The following POU6F2 variants were observed in gnomAD, a reference collection of about 807,000 sequenced individuals.
POU6F2 encodes the protein POU domain, class 6, transcription factor 2.
Under a neutral mutation model 71.3 loss-of-function variants are expected in POU6F2, and 31 were observed. The observed-to-expected ratio is 0.43, with a 90% confidence interval of 0.33 to 0.59. POU6F2 has a LOEUF of 0.59. POU6F2 is among the 20% of genes least tolerant of loss of function. POU6F2 has a pLI of 0.04. For synonymous variants in POU6F2, 347 were observed against 355.7 expected (o/e 0.98, Z 0.27); for missense variants, 783 against 856.8 (o/e 0.91, Z 1.07).
intron 2 of POU6F2, among the ~76,000 whole-genome samples, chr7:39,143,364 A>G (rs1792547482): frequency 6.6e-6 from 1 of 152,212 alleles, no homozygotes; most frequent in South Asian, 2.1e-4. Flanking sequence ...TGAGGAGATA[A>G]AATGTTTACT....
intron 1 of POU6F2, among the ~76,000 whole-genome samples, chr7:39,076,225 T>TCCTTCCTTTTCCTCCCTTCCATTCCCTC (rs1478087721): frequency 5.3e-5 from 8 of 151,574 alleles, no homozygotes; most frequent in Non-Finnish European, 1.0e-4. Context: ...TTCCTTCCAT[T>TCCTTCCTTTTCCTCCCTTCCATTCCCTC]CCTTCCTTTT....
chr7:39,269,855 C>G (rs1189514049), intron 4 of POU6F2, among the ~76,000 whole-genome samples: 1 of 152,122 alleles, frequency 6.6e-6, no homozygotes, highest in African/African-American at 2.4e-5. Flanking sequence ...ATGTGTGTTG[C>G]TATTGTGAAG....
At chr7:39,231,485 GA>G (rs1221177465) in intron 4 of POU6F2, among the ~76,000 whole-genome samples, 1 of 152,078 alleles carries the variant, frequency 6.6e-6, no homozygotes, top group East Asian at 1.9e-4. Context: ...TTTTATATAT[GA>G]TTAAAAAATT....
At position 39,391,163 on chromosome 7, in the gene POU6F2, T is replaced by C. The variant is rs145702852; in HGVS notation, c.973-15437T>C. On this transcript the variant is annotated intron_variant, in intron 5 of 9. Coordinates refer to ENST00000518318, the MANE Select transcript of POU6F2 (RefSeq NM_001370959.1). The stretch of plus-strand genomic sequence containing the variant: ...ATTCTTGAAAAATCACATTTTCTTC[T>C]TGTTACTTGATGGCTTTTTTTCTTG... Among the ~76,000 whole-genome samples the C allele has an allele frequency of 6.2e-3, 939 of 152,348 alleles. 5 individuals carry two copies. The highest frequency in any genetic ancestry group is 9.8e-3 in the Non-Finnish European group (667 of 68,032).
chr7:39,062,169 C>T (rs1204441480), intron 1 of POU6F2, among the ~76,000 whole-genome samples: 1 of 152,028 alleles, frequency 6.6e-6, no homozygotes, highest in Non-Finnish European at 1.5e-5. Context: ...CAATTTGGTC[C>T]ACCATTGTTT....
rs143826959 is a variant in POU6F2 at position 39,017,202 on chromosome 7, G to A, written c.105+39144G>A. 2.9e-3 allele frequency among the ~76,000 whole-genome samples: 440 copies of A among 152,122 alleles called. 2 individuals are homozygous for A. The highest frequency in any genetic ancestry group is 4.7e-3 in the Non-Finnish European group (320 of 67,980). On this transcript the variant is annotated intron_variant, in intron 1 of 9. Coordinates refer to ENST00000518318, the MANE Select transcript of POU6F2 (RefSeq NM_001370959.1). ...CTCAATAAATACATATTATGTCAAT[G>A]ATTTTATATCATTTACTTATTCTTC... is the stretch of plus-strand genomic sequence containing the variant.
intron 4 of POU6F2, among the ~76,000 whole-genome samples, chr7:39,272,985 G>A (rs1018072529): frequency 2.0e-5 from 3 of 152,148 alleles, no homozygotes; most frequent in African/African-American, 7.2e-5. Flanking sequence ...ACATTTTAGG[G>A]AATGAAAGAA....
intron 2 of POU6F2, among the ~76,000 whole-genome samples, chr7:39,105,502 G>C (rs1791660667): frequency 6.6e-6 from 1 of 150,956 alleles, no homozygotes; most frequent in South Asian, 2.1e-4. Context: ...TGTAGAAGTT[G>C]ATGCCACATT....
chr7:39,430,748 C>T lies in POU6F2; in HGVS notation c.1114-2329C>T, dbSNP rs148204189. On this transcript the variant is annotated intron_variant, in intron 6 of 9. Coordinates refer to ENST00000518318, the MANE Select transcript of POU6F2 (RefSeq NM_001370959.1). ...ACTTGCTCCCACTGGCTCTTAATCGCACCGACACCCTGCCCCAAACAGGAC... is the reference window on the plus strand; with the variant it reads ...ACTTGCTCCCACTGGCTCTTAATCGTACCGACACCCTGCCCCAAACAGGAC... Among the ~76,000 whole-genome samples the T allele has an allele frequency of 8.5e-3, 1,290 of 152,284 alleles. 8 individuals are homozygous for T. Among genetic ancestry groups the T allele is most frequent in the Non-Finnish European group, 0.014 (944 of 68,026 alleles).
intron 5 of POU6F2, chr7:39,373,506 A>C (rs1403304282): frequency 2.2e-6 from 1 of 456,570 alleles, no homozygotes; most frequent in Non-Finnish European, 4.4e-6. Flanking sequence ...GTATGGACTA[A>C]GGGAGAAAGG....
intron 2 of POU6F2, among the ~76,000 whole-genome samples, chr7:39,184,632 C>A (rs550120570): frequency 1.3e-5 from 2 of 152,278 alleles, no homozygotes; most frequent in East Asian, 3.9e-4. Flanking sequence ...TTACTAAGCC[C>A]GTGGCTGTCA....
rs34625792 is a variant in POU6F2, at chr7:39,101,446, A to AT, written c.277+15431dup. 3.0e-3 allele frequency among the ~76,000 whole-genome samples: 428 copies of AT among 141,718 alleles called. 1 individual carries two copies. Among genetic ancestry groups the AT allele is most frequent in the African/African-American group, 6.8e-3 (259 of 38,200 alleles). 93.0% of individuals were successfully genotyped at this position (141,718 alleles called of 152,430 possible). ...AGAAGAATTGCTTTTTCTAGGCAAG[A>AT]TTTTTTTTTTTTTTTTGGTACAGAT... On this transcript the variant is annotated intron_variant, in intron 2 of 9. Transcript: ENST00000518318.
chr7:39,028,985 G>T (rs1789881284), intron 1 of POU6F2, among the ~76,000 whole-genome samples: 1 of 151,866 alleles, frequency 6.6e-6, no homozygotes, highest in Non-Finnish European at 1.5e-5. Context: ...AAGCCACCAG[G>T]CCTGGCTATT....
chr7:39,291,262 G>T (rs1784750726), intron 4 of POU6F2, among the ~76,000 whole-genome samples: 1 of 152,170 alleles, frequency 6.6e-6, no homozygotes, highest in Non-Finnish European at 1.5e-5. Context: ...TTGAAAGTGA[G>T]ATTATTTGAT....
At chr7:39,191,886 ATTGT>A (rs1401468288) in intron 2 of POU6F2, among the ~76,000 whole-genome samples, 4 of 152,204 alleles carry the variant, frequency 2.6e-5, no homozygotes, top group Admixed American at 2.0e-4. Flanking sequence ...AATTGGACTA[ATTGT>A]TTGGCTGGTT....
At position 39,082,500 on chromosome 7, in the gene POU6F2, G is replaced by A. The variant is rs545942469; in HGVS notation, c.106-3360G>A. ...TACCGCTGCAGAGATCCTTGTACAG[G>A]TTGAAGTTGCAGGTCTCTTACATTT... is the stretch of plus-strand genomic sequence containing the variant. On this transcript the variant is annotated intron_variant, in intron 1 of 9. Transcript: ENST00000518318. 3.9e-5 allele frequency among the ~76,000 whole-genome samples: 6 copies of A among 152,258 alleles called. No individual in the cohort carries two copies. The East Asian group carries it at 7.7e-4, about 20-fold the overall frequency.
chr7:39,034,722 A>C (rs969364100), intron 1 of POU6F2, among the ~76,000 whole-genome samples: 1 of 152,138 alleles, frequency 6.6e-6, no homozygotes. Context: ...AGTAGATTGC[A>C]TTACAAATAG....
chr7:39,149,776 A>G (rs962250796), intron 2 of POU6F2, among the ~76,000 whole-genome samples: 1 of 152,172 alleles, frequency 6.6e-6, no homozygotes, highest in African/African-American at 2.4e-5. Context: ...GATCAAGCAA[A>G]ATATTCCCCA....
intron 2 of POU6F2, among the ~76,000 whole-genome samples, chr7:39,197,275 A>G (rs777207335): frequency 4.6e-5 from 7 of 151,878 alleles, no homozygotes; most frequent in African/African-American, 1.7e-4. Context: ...TCAGCATGCA[A>G]CTCCTCAAGG....
Sources: allele counts gnomAD v4.1 joint callset (sites outside exome capture counted in the v4.1 genomes callset), GRCh38; gene constraint gnomAD v4.1.1; transcripts MANE v1.5; gene names NCBI Gene and HGNC (gene_info 2026-07-23, HGNC 2026-07-21).